Variants in CCDC73 observed in about 807,000 individuals in gnomAD.
CCDC73 encodes the protein coiled-coil domain-containing protein 73.
Under a neutral mutation model 116.5 loss-of-function variants are expected in CCDC73, and 95 were observed. That is an observed-to-expected ratio of 0.82 (90% confidence interval 0.69 to 0.97). The LOEUF (loss-of-function observed/expected upper bound fraction) is 0.97. Among genes scored for constraint, CCDC73 ranks in the 50% least tolerant of loss-of-function variants. The probability of loss-of-function intolerance (pLI) is 0.00; values close to 1 mark genes in which losing one functional copy is unlikely to be tolerated. For synonymous variants in CCDC73, 398 were observed against 401.3 expected (o/e 0.99, Z 0.10); for missense variants, 1,066 against 1,206.8 (o/e 0.88, Z 1.73).
At chr11:32,684,751 G>A (rs1213056093) in intron 6 of CCDC73, among the ~76,000 whole-genome samples, 1 of 152,130 alleles carries the variant, frequency 6.6e-6, no homozygotes, top group Admixed American at 6.5e-5. Context: ...AGGAGGCTGA[G>A]GCTGTTGGAT....
the CCDC73 span, among the ~76,000 whole-genome samples, chr11:32,803,892 C>T: frequency 2.7e-5 from 4 of 150,118 alleles, no homozygotes; most frequent in Admixed American, 6.6e-5. Context: ...CTGCAACCTC[C>T]CCATCCCAGG....
chr11:32,810,031 T>C, the CCDC73 span, among the ~76,000 whole-genome samples: 1 of 152,212 alleles, frequency 6.6e-6, no homozygotes, highest in East Asian at 1.9e-4. Flanking sequence ...TCTAACTTCA[T>C]TATATTATAT....
At chr11:32,750,638 G>C (rs1276895410) in intron 2 of CCDC73, among the ~76,000 whole-genome samples, 1 of 152,154 alleles carries the variant, frequency 6.6e-6, no homozygotes, top group Non-Finnish European at 1.5e-5. Flanking sequence ...AGCCAACAGG[G>C]AGTATTGACA....
At chr11:32,612,256 A>G (rs1252263143) in intron 16 of CCDC73, among the ~76,000 whole-genome samples, 2 of 152,208 alleles carry the variant, frequency 1.3e-5, no homozygotes, top group Admixed American at 6.5e-5. Context: ...CCCTTAAAAT[A>G]TAAGAATGCC....
At chr11:32,733,801 C>T (rs1590620016) in intron 2 of CCDC73, among the ~76,000 whole-genome samples, 1 of 151,998 alleles carries the variant, frequency 6.6e-6, no homozygotes, top group East Asian at 1.9e-4. Flanking sequence ...GCACTAAATG[C>T]CCACAAGAGA....
At chr11:32,761,773 A>C (rs888716162) in intron 1 of CCDC73, among the ~76,000 whole-genome samples, 13 of 152,308 alleles carry the variant, frequency 8.5e-5, no homozygotes, top group Non-Finnish European at 1.0e-4. Context: ...CTACACACAC[A>C]CACGCAGAGA....
intron 9 of CCDC73, among the ~76,000 whole-genome samples, chr11:32,658,042 GA>G (rs1055468491): frequency 7.5e-5 from 6 of 79,594 alleles, no homozygotes; most frequent in South Asian, 3.8e-4. Flanking sequence ...AAAAGAAAAA[GA>G]AAAAAAAACC....
In CCDC73 at chr11:32,763,588, G is replaced by A. The variant is rs963512983; in HGVS notation, c.-15-3330C>T. On this transcript the variant is annotated intron_variant, in intron 1 of 17. Coordinates refer to ENST00000335185, the MANE Select transcript of CCDC73 (RefSeq NM_001008391.4). ...AGAAGGAAAACTAACAAACAGAAAG[G>A]ACATCCACACCAAAACCCCATCTGT... Among the ~76,000 whole-genome samples, 15 of 152,186 alleles carry A rather than the reference G, an allele frequency of 9.9e-5. No homozygotes were observed. The South Asian group carries it at 2.5e-3, about 25-fold the overall frequency.
chr11:32,808,472 T>TAG, the CCDC73 span, among the ~76,000 whole-genome samples: 1 of 151,862 alleles, frequency 6.6e-6, no homozygotes, highest in African/African-American at 2.4e-5. Context: ...AACCCAGTCT[T>TAG]TACTAAAAAT....
At chr11:32,829,946 G>A in the CCDC73 span, 1 of 985,634 alleles carries the variant, frequency 1.0e-6, no homozygotes, top group South Asian at 4.7e-5. Context: ...CCGCCTCCCC[G>A]GACCGAGGCA....
At chr11:32,720,428 G>A (rs1279827179) in intron 2 of CCDC73, among the ~76,000 whole-genome samples, 2 of 152,018 alleles carry the variant, frequency 1.3e-5, no homozygotes, top group Non-Finnish European at 2.9e-5. Flanking sequence ...ATATTTAATG[G>A]TGAAAGACTG....
chr11:32,688,569 T>C (rs1363122687), intron 6 of CCDC73, among the ~76,000 whole-genome samples: 2 of 152,196 alleles, frequency 1.3e-5, no homozygotes, highest in Non-Finnish European at 2.9e-5. Context: ...GTTAACTTCC[T>C]GATTTTGATT....
chr11:32,701,352 G>T (rs1234926211), intron 4 of CCDC73, among the ~76,000 whole-genome samples: 1 of 151,954 alleles, frequency 6.6e-6, no homozygotes, highest in African/African-American at 2.4e-5. Context: ...TTATGTTCAA[G>T]AATTTTTTTA....
chr11:32,654,757 C>T lies in CCDC73; in HGVS notation c.774+87G>A, dbSNP rs530377633. On this transcript the variant is annotated intron_variant, in intron 10 of 17. Coordinates refer to ENST00000335185, the MANE Select transcript of CCDC73 (RefSeq NM_001008391.4). Reference sequence around the variant, plus strand: ...ACTATGCATATTGACTTTGCAAAGGCGGAGTATTTTTGTGTTACAATTCTG... The same window carrying T: ...ACTATGCATATTGACTTTGCAAAGGTGGAGTATTTTTGTGTTACAATTCTG... 5.3e-4 allele frequency: 526 copies of T among 989,560 alleles called. 3 individuals carry two copies. In the African/African-American group the frequency reaches 5.7e-3, roughly 11 times the overall value. The allele number at this position is 989,560 out of a possible 1,614,324, so 61.3% of individuals were successfully genotyped here. A position where few individuals can be genotyped will look rare whatever the true frequency, so the allele number is the denominator to read the frequency against.
At chr11:32,723,585 G>C (rs541543527) in intron 2 of CCDC73, among the ~76,000 whole-genome samples, 8 of 152,170 alleles carry the variant, frequency 5.3e-5, no homozygotes, top group Non-Finnish European at 8.8e-5. Flanking sequence ...ATCTGTTCAG[G>C]GTCAAGAATT....
At chr11:32,763,791 A>C (rs1850414575) in intron 1 of CCDC73, among the ~76,000 whole-genome samples, 1 of 152,248 alleles carries the variant, frequency 6.6e-6, no homozygotes, top group Non-Finnish European at 1.5e-5. Flanking sequence ...TGAGAGAAGA[A>C]GGCTTCAGAT....
chr11:32,639,512 C>T (rs998461804), intron 13 of CCDC73, among the ~76,000 whole-genome samples: 46 of 151,370 alleles, frequency 3.0e-4, no homozygotes, highest in African/African-American at 1.1e-3. Flanking sequence ...TGCAGTGGTG[C>T]GATCTCGGCT....
chr11:32,681,510 TA>T (rs1179937950), intron 7 of CCDC73: 2 of 151,996 alleles, frequency 1.3e-5, no homozygotes, highest in Non-Finnish European at 2.9e-5. Flanking sequence ...TCACCACCTC[TA>T]AAAGAAAATC....
intron 13 of CCDC73, among the ~76,000 whole-genome samples, chr11:32,640,243 A>G (rs182755148): frequency 1.1e-4 from 16 of 152,330 alleles, no homozygotes; most frequent in African/African-American, 3.1e-4. Flanking sequence ...AGAACTTAAA[A>G]ATTCTAAGAT....
Sources: gnomAD v4.1 joint callset for allele counts (sites outside exome capture counted in the v4.1 genomes callset) on GRCh38, gnomAD v4.1.1 for gene constraint, MANE v1.5 for transcripts, NCBI Gene and HGNC (gene_info 2026-07-23, HGNC 2026-07-21) for gene names.